CREBBP: variants seen among roughly 807,000 people sequenced by gnomAD.
The protein encoded by CREBBP is CREB-binding protein.
Under a neutral mutation model 265.0 loss-of-function variants are expected in CREBBP, and 19 were observed. The ratio of observed to expected loss-of-function variants is 0.07; its 90% confidence interval spans 0.05 to 0.11. The LOEUF is 0.11. Ranked by LOEUF, CREBBP falls within the 10% of genes least tolerant of loss-of-function variation. The probability of loss-of-function intolerance (pLI) is 1.00; values close to 1 mark genes in which losing one functional copy is unlikely to be tolerated. For synonymous variants in CREBBP, 1,457 were observed against 1,223.7 expected (o/e 1.19, Z -3.98); for missense variants, 2,525 against 3,219.0 (o/e 0.78, Z 5.22).
rs574236696 is a variant in CREBBP at position 3,859,231 on chromosome 16, C to G, written c.86-8222G>C. On this transcript the variant is annotated intron_variant, in intron 1 of 30. Coordinates refer to ENST00000262367, the MANE Select transcript of CREBBP (RefSeq NM_004380.3). ...TATTTTTATTTTTTTTTGGCTCTGTCGCCTAGGCTAGAGTGCAGTGGCACG... is the reference window on the plus strand; with the variant it reads ...TATTTTTATTTTTTTTTGGCTCTGTGGCCTAGGCTAGAGTGCAGTGGCACG... Among the ~76,000 whole-genome samples, 38 of 151,270 alleles carry G rather than the reference C, an allele frequency of 2.5e-4. No homozygotes were observed. In the East Asian group the frequency reaches 7.0e-3, roughly 28 times the overall value.
At chr16:3,771,076 A>AAT in intron 13 of CREBBP, 90 bp from the exon 14 acceptor site, 8 of 1,285,844 alleles carry the variant, frequency 6.2e-6, no homozygotes, top group Non-Finnish European at 7.5e-6. Context: ...TGAAAAAAAA[A>AAT]TTTTTTTTTT....
chr16:3,736,525 T>C, intron 27 of CREBBP, 125 bp downstream of exon 27: 2 of 1,417,572 alleles, frequency 1.4e-6, no homozygotes, highest in Non-Finnish European at 2.0e-6. Flanking sequence ...TAGGCTTTTA[T>C]TTTTCTGCTT....
intron 1 of CREBBP, among the ~76,000 whole-genome samples, chr16:3,854,499 T>A (rs2054919704): frequency 6.6e-6 from 1 of 152,202 alleles, no homozygotes; most frequent in Non-Finnish European, 1.5e-5. Context: ...ACACTTACTA[T>A]CACTTAAGCC....
chr16:3,731,136 G>C lies in CREBBP; in HGVS notation c.5172+56C>G, dbSNP rs895480740. 6.3e-7 allele frequency: 1 copy of C among 1,577,568 alleles called. No homozygotes were observed. The highest frequency in any genetic ancestry group is 8.6e-7 in the Non-Finnish European group (1 of 1,158,924). On this transcript the variant is annotated intron_variant, in intron 30 of 30. Coordinates refer to ENST00000262367, the MANE Select transcript of CREBBP (RefSeq NM_004380.3). This position sits in a 1 kb window ranked among gnomAD's most constrained non-coding sequence, Gnocchi z 7.7. ...CCCGGGCACCCATGCAAAGGGACAG[G>C]ATGCTTCGTCAGACCCCAGGCCGGC...
intron 3 of CREBBP, among the ~76,000 whole-genome samples, chr16:3,801,174 T>A (rs2053704995): frequency 1.3e-5 from 2 of 152,192 alleles, no homozygotes; most frequent in South Asian, 4.1e-4. Context: ...GCCCCAATCC[T>A]GCAGCTCTCT....
chr16:3,868,032 A>G (rs2055213817), intron 1 of CREBBP, among the ~76,000 whole-genome samples: 1 of 152,220 alleles, frequency 6.6e-6, no homozygotes, highest in Non-Finnish European at 1.5e-5. Flanking sequence ...CACTGATAGT[A>G]GAGTTACATA....
At chr16:3,849,525 CTTTTTTTTT>C (rs140938515) in intron 2 of CREBBP, among the ~76,000 whole-genome samples, 1 of 6,556 alleles carries the variant, frequency 1.5e-4, no homozygotes, top group Admixed American at 2.9e-3. Context: ...GAGGCTGCTG[CTTTTTTTTT>C]TTTTTTTTTT....
intron 24 of CREBBP, 69 bp downstream of exon 24, chr16:3,740,330 A>G (rs2151339413): frequency 6.3e-7 from 1 of 1,587,024 alleles, no homozygotes; most frequent in Non-Finnish European, 8.6e-7. Flanking sequence ...AGAGCTTTGC[A>G]GAGAGCAGGC....
Position 3,781,365 on chromosome 16 carries a change from T to C in CREBBP, c.1574-59A>G, listed in dbSNP as rs56368536. ...AAATTTTAATATATACTTCAAAGTT[T>C]TGATGACAGATAACCAACATGCCAC... On this transcript the variant is annotated intron_variant, in intron 6 of 30. Transcript: ENST00000262367. 5 of 1,366,308 alleles carry C rather than the reference T, an allele frequency of 3.7e-6. No individual in the cohort carries two copies. In the East Asian group the frequency reaches 1.2e-4, roughly 33 times the overall value. 84.6% of individuals were successfully genotyped at this position (1,366,308 alleles called of 1,614,324 possible). A position where few individuals can be genotyped will look rare whatever the true frequency, so the allele number is the denominator to read the frequency against.
chr16:3,748,074 G>C (rs1478841943), intron 21 of CREBBP, among the ~76,000 whole-genome samples: 1 of 151,540 alleles, frequency 6.6e-6, no homozygotes, highest in East Asian at 2.0e-4. Flanking sequence ...TGGGCAACAA[G>C]AGTGAAACTC....
At chr16:3,832,398 T>C (rs1211504951) in intron 2 of CREBBP, among the ~76,000 whole-genome samples, 3 of 152,190 alleles carry the variant, frequency 2.0e-5, no homozygotes, top group Admixed American at 6.5e-5. Flanking sequence ...TAGACCCATA[T>C]CACTCATGAA....
chr16:3,726,244 G>T lies in CREBBP; in HGVS notation c.*1474C>A, dbSNP rs535953791. On this transcript the variant is annotated 3_prime_UTR_variant, in exon 31 of 31. Coordinates refer to ENST00000262367, the MANE Select transcript of CREBBP (RefSeq NM_004380.3). ...CAGATTCTGGGAGTCGTGTACGGGG[G>T]GGGGGAGCCGCCTGAACACGGGAAG... The T allele has an allele frequency of 9.3e-4, 211 of 226,982 alleles. No homozygotes were observed. The highest frequency in any genetic ancestry group is 2.6e-3 in the Middle Eastern group (2 of 764). The allele number at this position is 226,982 out of a possible 1,614,324, so 14.1% of individuals were successfully genotyped here.
rs192431416 is a variant in CREBBP at position 3,731,978 on chromosome 16, C to A, written c.4729-41G>T. The A allele has an allele frequency of 6.2e-7, 1 of 1,613,968 alleles. No individual in the cohort carries two copies. The highest frequency in any genetic ancestry group is 8.5e-7 in the Non-Finnish European group (1 of 1,180,036). On this transcript the variant is annotated intron_variant, in intron 28 of 30. Transcript: ENST00000262367. This position sits in a 1 kb window ranked among gnomAD's most constrained non-coding sequence, Gnocchi z 7.7. ...AGGCTGTGAGACCAGGCAAGTGCCC[C>A]TCCACACTTGGCACGGACGCCCAGC...
intron 16 of CREBBP, among the ~76,000 whole-genome samples, chr16:3,762,861 G>A (rs1303670898): frequency 6.6e-6 from 1 of 151,290 alleles, no homozygotes; most frequent in African/African-American, 2.4e-5. Flanking sequence ...TGCAAGCTCC[G>A]CCTCCCAGGT....
chr16:3,877,129 C>T (rs997910433), intron 1 of CREBBP, among the ~76,000 whole-genome samples: 29 of 152,146 alleles, frequency 1.9e-4, no homozygotes, highest in African/African-American at 7.0e-4. Flanking sequence ...CAGAGGTCCC[C>T]TCCCTCAAAT....
intron 1 of CREBBP, among the ~76,000 whole-genome samples, 169 bp downstream of exon 1, chr16:3,879,663 T>C (rs2055481988): frequency 6.6e-6 from 1 of 152,018 alleles, no homozygotes; most frequent in Non-Finnish European, 1.5e-5. Context: ...CCAGTGACAG[T>C]CCTGCGACGA....
chr16:3,768,354 C>T (rs139896133), intron 15 of CREBBP, among the ~76,000 whole-genome samples: 130 of 151,764 alleles, frequency 8.6e-4, no homozygotes, highest in African/African-American at 2.5e-3. Context: ...ATCATGTTGG[C>T]GAGGCTGGTC....
Position 3,770,953 on chromosome 16 carries a change from G to A in CREBBP, c.2497C>T (p.Leu833Phe), listed in dbSNP as rs200474872. 5.0e-6 allele frequency: 8 copies of A among 1,613,728 alleles called. No individual in the cohort carries two copies. The highest frequency in any genetic ancestry group is 5.9e-6 in the Non-Finnish European group (7 of 1,180,028). The change falls in exon 14 of 31, where the codon CTC becomes TTC. Residue 833 changes from leucine to phenylalanine, a missense_variant. Coordinates refer to ENST00000262367, the MANE Select transcript of CREBBP (RefSeq NM_004380.3). ...QVPGAALPNP[L>F]NMLGPQASQL... ...CTGGCCTGAGGCCCCAGCATGTTGA[G>A]AGGGTTAGGAAGAGCAGCACCAGGC... is the stretch of plus-strand genomic sequence containing the variant.
chr16:3,769,923 T>C (rs1289813296), intron 14 of CREBBP, among the ~76,000 whole-genome samples: 1 of 151,658 alleles, frequency 6.6e-6, no homozygotes, highest in Non-Finnish European at 1.5e-5. Context: ...TAGGCTGGAG[T>C]ACAATGGCGC....
Sources: allele counts gnomAD v4.1 joint callset (sites outside exome capture counted in the v4.1 genomes callset), GRCh38; gene constraint gnomAD v4.1.1; non-coding constraint Gnocchi (gnomAD v3.1); transcripts MANE v1.5; gene names NCBI Gene and HGNC (gene_info 2026-07-23, HGNC 2026-07-21).